Variants in SORBS2 observed in about 807,000 individuals in gnomAD.
SORBS2 encodes sorbin and SH3 domain-containing protein 2.
In SORBS2, 46 loss-of-function variants were observed where a neutral mutation model predicts 97.7. The observed-to-expected ratio is 0.47, with a 90% CI of 0.37 to 0.60. The LOEUF (loss-of-function observed/expected upper bound fraction) is 0.60, where lower values mean the gene tolerates loss of function less well. Ranked by LOEUF, SORBS2 falls within the 20% of genes least tolerant of loss-of-function variation. The pLI, the probability that SORBS2 is intolerant of heterozygous loss-of-function variation, is 0.00. For synonymous variants in SORBS2, 476 were observed against 473.4 expected (o/e 1.01, Z -0.07); for missense variants, 1,316 against 1,282.3 (o/e 1.03, Z -0.40).
chr4:185,750,336 CCGA>C, intron 2 of SORBS2, among the ~76,000 whole-genome samples: 1 of 152,312 alleles, frequency 6.6e-6, no homozygotes, highest in East Asian at 1.9e-4. Context: ...GCTCATAATC[CCGA>C]CAACACTGTG....
intron 1 of SORBS2, among the ~76,000 whole-genome samples, chr4:185,913,722 A>G (rs11732555): frequency 0.12 from 18,501 of 152,176 alleles, 1,460 homozygotes; most frequent in Non-Finnish European, 0.18. Flanking sequence ...TTTTAAAACT[A>G]GAAGAGATTC....
chr4:185,620,634 G>T (rs1160684498), intron 7 of SORBS2, among the ~76,000 whole-genome samples: 4 of 152,170 alleles, frequency 2.6e-5, no homozygotes, highest in Non-Finnish European at 5.9e-5. Flanking sequence ...TAAAACCAAA[G>T]AAAGTATGAG....
At chr4:185,631,055 TG>T (rs2153433195) in intron 4 of SORBS2, among the ~76,000 whole-genome samples, 1 of 152,348 alleles carries the variant, frequency 6.6e-6, no homozygotes, top group African/African-American at 2.4e-5. Context: ...TTGTTATTGT[TG>T]TTACCAAGTA....
intron 1 of SORBS2, among the ~76,000 whole-genome samples, chr4:185,831,673 C>T (rs1393693003): frequency 6.6e-6 from 1 of 152,120 alleles, no homozygotes; most frequent in Non-Finnish European, 1.5e-5. Flanking sequence ...CGGGTGTTGG[C>T]CATGGAGTGG....
At chr4:185,744,856 C>A (rs946430347) in intron 2 of SORBS2, among the ~76,000 whole-genome samples, 2 of 152,202 alleles carry the variant, frequency 1.3e-5, no homozygotes, top group Non-Finnish European at 2.9e-5. Flanking sequence ...ATGATTTTCC[C>A]CTTCACCCTA....
intron 1 of SORBS2, among the ~76,000 whole-genome samples, chr4:185,939,614 G>A (rs11736199): frequency 0.3 from 45,709 of 151,992 alleles, 8,536 homozygotes; most frequent in East Asian, 0.58. Flanking sequence ...AGGTTCAAGC[G>A]ATTCTCCTGC....
chr4:185,791,452 C>T (rs1200961563), intron 1 of SORBS2, among the ~76,000 whole-genome samples: 1 of 152,016 alleles, frequency 6.6e-6, no homozygotes, highest in Non-Finnish European at 1.5e-5. Flanking sequence ...ATAGAAAAAA[C>T]CTAGCTCACA....
At chr4:185,937,681 TA>T (rs1316737022) in intron 1 of SORBS2, among the ~76,000 whole-genome samples, 5 of 152,112 alleles carry the variant, frequency 3.3e-5, no homozygotes, top group Admixed American at 2.6e-4. Flanking sequence ...GATGCCTCAT[TA>T]AAACCACTTT....
chr4:185,745,713 T>G (rs528085925), intron 2 of SORBS2, among the ~76,000 whole-genome samples: 1 of 152,286 alleles, frequency 6.6e-6, no homozygotes, highest in East Asian at 1.9e-4. Flanking sequence ...ACAAATGCAT[T>G]CTCTTTTTAG....
At chr4:185,784,523 C>T (rs1043815797) in intron 1 of SORBS2, among the ~76,000 whole-genome samples, 4 of 152,066 alleles carry the variant, frequency 2.6e-5, no homozygotes. Flanking sequence ...AGAGATGATA[C>T]AGCGATGGAG....
chr4:185,606,567 C>T lies in SORBS2; in HGVS notation c.2796+5213G>A, dbSNP rs1276077424. ...TAAGGCCGGTTAGTTCTTCCATAAT[C>T]AGACAAAATTAAAATACCTCATTAC... is the stretch of plus-strand genomic sequence containing the variant. On this transcript the variant is annotated intron_variant, in intron 12 of 14. Coordinates refer to ENST00000418609, the Ensembl canonical transcript of SORBS2. This position sits in a 1 kb window ranked among gnomAD's most constrained non-coding sequence, Gnocchi z 4.3. 2.1e-5 allele frequency: 21 copies of T among 985,230 alleles called. No individual in the cohort carries two copies. The highest frequency in any genetic ancestry group is 2.4e-5 in the Non-Finnish European group (20 of 829,896). The allele number at this position is 985,230 out of a possible 1,614,324, so 61.0% of individuals were successfully genotyped here.
chr4:185,700,589 T>A (rs1583021852), intron 2 of SORBS2, among the ~76,000 whole-genome samples: 1 of 152,194 alleles, frequency 6.6e-6, no homozygotes, highest in Admixed American at 6.5e-5. Flanking sequence ...GCTTCAATAT[T>A]CCCTCAAGAT....
intron 2 of SORBS2, among the ~76,000 whole-genome samples, chr4:185,721,502 CT>C (rs2098514417): frequency 6.6e-6 from 1 of 152,196 alleles, no homozygotes; most frequent in African/African-American, 2.4e-5. Flanking sequence ...ACTGGAGCCC[CT>C]GAAGCTTCTG....
intron 13 of SORBS2, 191 bp downstream of exon 25, chr4:185,593,695 G>A: frequency 1.8e-6 from 1 of 549,878 alleles, no homozygotes; most frequent in Non-Finnish European, 3.2e-6. Flanking sequence ...AGAACTATGG[G>A]TTCTTTTAAA....
chr4:185,888,060 T>C lies in SORBS2; in HGVS notation c.-338+68136A>G, dbSNP rs575575123. Among the ~76,000 whole-genome samples, 17 of 82,510 alleles carry C rather than the reference T, an allele frequency of 2.1e-4. No individual in the cohort carries two copies. The South Asian group carries it at 6.4e-3, about 31-fold the overall frequency. 54.1% of individuals were successfully genotyped at this position (82,510 alleles called of 152,430 possible). ...AAACTGTATGAAACCTGACATTCTA[T>C]ATTATTATTATTATTATTATTTTGC... On this transcript the variant is annotated intron_variant, in intron 1 of 20. Coordinates refer to the SORBS2 transcript ENST00000284776.
At chr4:185,656,604 C>G (rs1220329683) in intron 1 of SORBS2, 1 of 1,541,728 alleles carries the variant, frequency 6.5e-7, no homozygotes, top group Non-Finnish European at 8.8e-7. Flanking sequence ...CCGCATGGCC[C>G]CCAACTTCAC....
intron 2 of SORBS2, among the ~76,000 whole-genome samples, chr4:185,712,439 T>C (rs1379744683): frequency 6.6e-6 from 1 of 152,242 alleles, no homozygotes; most frequent in African/African-American, 2.4e-5. Context: ...AATTTGTTTG[T>C]GCAACCTCAT....
intron 2 of SORBS2, among the ~76,000 whole-genome samples, chr4:185,682,277 G>A (rs560154693): frequency 1.3e-5 from 2 of 152,336 alleles, no homozygotes; most frequent in African/African-American, 4.8e-5. Context: ...TCTTGGCGGA[G>A]TGGTCCCCAT....
chr4:185,892,522 G>A (rs1217227133), intron 1 of SORBS2, among the ~76,000 whole-genome samples: 2 of 152,132 alleles, frequency 1.3e-5, no homozygotes, highest in Non-Finnish European at 2.9e-5. Context: ...ACAACTCAAG[G>A]GTCCATGGAC....
Sources: allele counts gnomAD v4.1 joint callset (sites outside exome capture counted in the v4.1 genomes callset), GRCh38; gene constraint gnomAD v4.1.1; non-coding constraint Gnocchi (gnomAD v3.1); transcripts MANE v1.5; gene names NCBI Gene and HGNC (gene_info 2026-07-23, HGNC 2026-07-21).